ANGPT4: variants seen among roughly 807,000 people sequenced by gnomAD.
ANGPT4 encodes angiopoietin 4, also known as angiopoietin-4.
A neutral mutation model predicts 53.0 loss-of-function variants in ANGPT4; 50 were observed. That is an observed-to-expected ratio of 0.94 (90% CI 0.75 to 1.20). The LOEUF is 1.20. Among genes scored for constraint, ANGPT4 ranks in the 50% most tolerant of loss-of-function variants. The pLI is 0.00. For missense variants in ANGPT4, 648 were observed against 637.1 expected (o/e 1.02, Z -0.18); for synonymous variants, 251 against 259.7 (o/e 0.97, Z 0.32).
chr20:881,559 T>C (rs2122774398), intron 4 of ANGPT4, among the ~76,000 whole-genome samples: 1 of 152,192 alleles, frequency 6.6e-6, no homozygotes, highest in Non-Finnish European at 1.5e-5. Flanking sequence ...CCCTAGTGTG[T>C]GCAGAGGACA....
At chr20:912,071 G>T (rs1314342755) in intron 1 of ANGPT4, among the ~76,000 whole-genome samples, 1 of 152,096 alleles carries the variant, frequency 6.6e-6, no homozygotes, top group Non-Finnish European at 1.5e-5. Flanking sequence ...GGTGGTGGGG[G>T]TGGGCCAGAG....
chr20:912,740 G>A (rs1982754161), intron 1 of ANGPT4, among the ~76,000 whole-genome samples: 3 of 152,172 alleles, frequency 2.0e-5, no homozygotes, highest in Admixed American at 2.0e-4. Flanking sequence ...TGCCTGATGA[G>A]CACTGGCAGT....
chr20:885,219 C>A lies in ANGPT4; in HGVS notation c.694G>T (p.Ala232Ser). The change falls in exon 4 of 9, where the codon GCC becomes TCC. Residue 232 changes from alanine to serine, a missense_variant. Coordinates refer to ENST00000381922, the MANE Select transcript of ANGPT4 (RefSeq NM_015985.4). ...CCGCGCTCGATGTTGGTGAGGGCGGCGCTCTGGCGGCTCAGCGTGTTCAGC... is the reference window on the plus strand; with the variant it reads ...CCGCGCTCGATGTTGGTGAGGGCGGAGCTCTGGCGGCTCAGCGTGTTCAGC... The part of the protein sequence containing the change: ...KLLNTLSRQS[A>S]ALTNIERGLR... 6.3e-7 allele frequency: 1 copy of A among 1,591,174 alleles called. No homozygotes were observed. The highest frequency in any genetic ancestry group is 8.6e-7 in the Non-Finnish European group (1 of 1,168,838).
chr20:892,807 C>A (rs1229060932), intron 1 of ANGPT4, among the ~76,000 whole-genome samples: 1 of 152,176 alleles, frequency 6.6e-6, no homozygotes, highest in African/African-American at 2.4e-5. Flanking sequence ...GCTGGGACGA[C>A]AGGCGAGCAC....
intron 1 of ANGPT4, among the ~76,000 whole-genome samples, chr20:897,654 A>C (rs1291430239): frequency 6.6e-6 from 1 of 152,096 alleles, no homozygotes; most frequent in East Asian, 1.9e-4. Flanking sequence ...CCTTGGTGGC[A>C]TGTCAATTGC....
rs201419723 is a variant in ANGPT4 at position 874,659 on chromosome 20, T to C, written c.1221-245A>G. 1.2e-4 allele frequency among the ~76,000 whole-genome samples: 18 copies of C among 152,310 alleles called. No homozygotes were observed. The East Asian group carries it at 3.1e-3, about 26-fold the overall frequency. ...CAGGCCTCCCCTATCTCACTGAACCTGAGTCTTGGAGAGAAGTGATAATGG... is the reference window on the plus strand; with the variant it reads ...CAGGCCTCCCCTATCTCACTGAACCCGAGTCTTGGAGAGAAGTGATAATGG... On this transcript the variant is annotated intron_variant, in intron 7 of 8. Coordinates refer to ENST00000381922, the MANE Select transcript of ANGPT4 (RefSeq NM_015985.4).
At chr20:893,384 G>A (rs1981923410) in intron 1 of ANGPT4, among the ~76,000 whole-genome samples, 2 of 152,174 alleles carry the variant, frequency 1.3e-5, no homozygotes, top group Admixed American at 1.3e-4. Flanking sequence ...CCTGATCACA[G>A]ATTTTATTTT....
intron 1 of ANGPT4, among the ~76,000 whole-genome samples, chr20:891,685 G>A (rs1264598779): frequency 6.6e-6 from 1 of 152,194 alleles, no homozygotes; most frequent in Non-Finnish European, 1.5e-5. Context: ...CTTGGCTCGG[G>A]CCAGGCTCCA....
intron 1 of ANGPT4, among the ~76,000 whole-genome samples, 200 bp downstream of exon 1, chr20:915,706 C>T (rs901683316): frequency 5.9e-5 from 9 of 152,104 alleles, no homozygotes; most frequent in South Asian, 2.1e-4. Context: ...AATGAAGGGA[C>T]GGCAGTTAAA....
intron 1 of ANGPT4, among the ~76,000 whole-genome samples, chr20:893,090 G>A (rs78916811): frequency 0.021 from 3,219 of 152,298 alleles, 108 homozygotes; most frequent in African/African-American, 0.071. Flanking sequence ...TCACTCTCTA[G>A]GTCAGGGGTC....
At chr20:878,479 G>A in intron 6 of ANGPT4, 152 bp from the exon 7 acceptor site, 1 of 635,552 alleles carries the variant, frequency 1.6e-6, no homozygotes. Context: ...GCAGGACTGG[G>A]AGTAGGAGCC....
At chr20:879,705 G>C in intron 6 of ANGPT4, 42 bp downstream of exon 6, 1 of 1,567,582 alleles carries the variant, frequency 6.4e-7, no homozygotes, top group South Asian at 1.1e-5. Flanking sequence ...CCAGCCCCAG[G>C]TTTCAGAGCA....
rs1981062991 is a variant in ANGPT4, at chr20:874,137, G to A, written c.1351+147C>T. On this transcript the variant is annotated intron_variant, in intron 8 of 8. Transcript: ENST00000381922. ...TGGGGGAAGGCACCGAAGGGGCACA[G>A]CCAGGTGAGCTTATGGGTGGGCAAG... 1.8e-5 allele frequency: 22 copies of A among 1,218,632 alleles called. No homozygotes were observed. The South Asian group carries it at 3.1e-4, about 17-fold the overall frequency. The allele number at this position is 1,218,632 out of a possible 1,614,324, so 75.5% of individuals were successfully genotyped here.
intron 1 of ANGPT4, among the ~76,000 whole-genome samples, chr20:909,191 T>C (rs2122131465): frequency 6.6e-6 from 1 of 152,272 alleles, no homozygotes; most frequent in African/African-American, 2.4e-5. Flanking sequence ...GCCACGAGGT[T>C]TATGAGTCAA....
rs796756396 is a variant in ANGPT4 at position 876,635 on chromosome 20, G to A, written c.1220+1526C>T. Among the ~76,000 whole-genome samples the A allele has an allele frequency of 2.2e-4, 34 of 152,306 alleles. 2 individuals carry two copies. Among genetic ancestry groups the A allele is most frequent in the African/African-American group, 7.0e-4 (29 of 41,556 alleles). Reference sequence around the variant, plus strand: ...AAGCACCCATTCTACAGATGAAACCGTGAAGGGACTTGCTCAGGGTCACTC... The same window carrying A: ...AAGCACCCATTCTACAGATGAAACCATGAAGGGACTTGCTCAGGGTCACTC... On this transcript the variant is annotated intron_variant, in intron 7 of 8. Transcript: ENST00000381922.
intron 4 of ANGPT4, among the ~76,000 whole-genome samples, chr20:882,774 T>C (rs1448559270): frequency 6.6e-6 from 1 of 152,236 alleles, no homozygotes; most frequent in Non-Finnish European, 1.5e-5. Flanking sequence ...CTCACTGTTA[T>C]TTTCCTTAGT....
chr20:916,219 A>C lies in ANGPT4; in HGVS notation c.-5T>G, dbSNP rs1370224605. 1.9e-6 allele frequency: 3 copies of C among 1,610,470 alleles called. No individual in the cohort carries two copies. In the East Asian group the frequency reaches 6.7e-5, roughly 36 times the overall value. On this transcript the variant is annotated 5_prime_UTR_variant, in exon 1 of 9. Transcript: ENST00000381922. ...CATGGCTAGCTGGGAGAGCATCTGA[A>C]GATGTGTCAATGGCGAGGGATGTCT...
In ANGPT4 at chr20:875,867, C is replaced by T. The variant is rs559929113; in HGVS notation, c.1221-1453G>A. ...TGCTGAGGCTGGGTAGGGTGGCTCA[C>T]GCCTGTAATCCCCGCACTTTGGGAG... On this transcript the variant is annotated intron_variant, in intron 7 of 8. Transcript: ENST00000381922. 7.2e-5 allele frequency among the ~76,000 whole-genome samples: 11 copies of T among 152,186 alleles called. 1 individual carries two copies. In the South Asian group the frequency reaches 1.7e-3, roughly 23 times the overall value.
rs1980976188 is a variant in ANGPT4 at position 872,420 on chromosome 20, G to A, written c.*540C>T. On this transcript the variant is annotated 3_prime_UTR_variant, in exon 9 of 9. Coordinates refer to ENST00000381922, the MANE Select transcript of ANGPT4 (RefSeq NM_015985.4). The stretch of plus-strand genomic sequence containing the variant: ...CATTAGAACCTAGAAGTGGTGAAGT[G>A]TGAAGGGGAAATAATGATTAACCCA... 6.5e-6 allele frequency: 1 copy of A among 153,638 alleles called. No homozygotes were observed. The highest frequency in any genetic ancestry group is 2.0e-4 in the South Asian group (1 of 4,886). 9.5% of individuals were successfully genotyped at this position (153,638 alleles called of 1,614,324 possible). A position where few individuals can be genotyped will look rare whatever the true frequency, so the allele number is the denominator to read the frequency against.
Sources: gnomAD v4.1 joint callset for allele counts (sites outside exome capture counted in the v4.1 genomes callset) on GRCh38, gnomAD v4.1.1 for gene constraint, MANE v1.5 for transcripts, NCBI Gene and HGNC (gene_info 2026-07-23, HGNC 2026-07-21) for gene names.